The following ZFAT variants were observed in gnomAD, a reference collection of about 807,000 sequenced individuals.
ZFAT encodes zinc finger and AT-hook domain containing.
ZFAT carries 64 observed loss-of-function variants against 117.7 expected under a neutral mutation model. That is an observed-to-expected ratio of 0.54 (90% CI 0.44 to 0.67). The LOEUF (loss-of-function observed/expected upper bound fraction) is 0.67. Among genes scored for constraint, ZFAT ranks in the 30% least tolerant of loss-of-function variants. The pLI is 0.00. For missense variants in ZFAT, 1,433 were observed against 1,584.5 expected (o/e 0.90, Z 1.62); for synonymous variants, 679 against 615.0 (o/e 1.10, Z -1.54).
intron 1 of ZFAT, among the ~76,000 whole-genome samples, chr8:134,687,037 C>G (rs1363346797): frequency 6.6e-6 from 1 of 152,142 alleles, no homozygotes; most frequent in East Asian, 1.9e-4. Flanking sequence ...GCAGACCCAC[C>G]AGCACCCACC....
At chr8:134,603,729 G>A (rs942011049) in intron 5 of ZFAT, among the ~76,000 whole-genome samples, 24 of 152,210 alleles carry the variant, frequency 1.6e-4, no homozygotes, top group Admixed American at 7.2e-4. Context: ...GGGATACAGC[G>A]GGCACTTAGC....
chr8:134,706,979 C>T (rs1157855918), intron 1 of ZFAT, among the ~76,000 whole-genome samples: 1 of 152,056 alleles, frequency 6.6e-6, no homozygotes, highest in East Asian at 1.9e-4. Context: ...ATCTTCCTGT[C>T]CCTCAACATT....
the ZFAT span, among the ~76,000 whole-genome samples, chr8:134,772,686 T>C: frequency 3.9e-4 from 59 of 152,290 alleles, no homozygotes; most frequent in African/African-American, 1.3e-3. Flanking sequence ...GGTGGCTACA[T>C]TAAACAACAA....
At chr8:134,561,895 T>C (rs1399867423) in intron 11 of ZFAT, among the ~76,000 whole-genome samples, 3 of 152,194 alleles carry the variant, frequency 2.0e-5, no homozygotes, top group African/African-American at 7.2e-5. Flanking sequence ...GGGGGTATGG[T>C]TGGCAGAATA....
chr8:134,499,737 C>T (rs554326698), intron 15 of ZFAT, among the ~76,000 whole-genome samples: 8 of 152,212 alleles, frequency 5.3e-5, no homozygotes, highest in Non-Finnish European at 1.2e-4. Flanking sequence ...CACTGCTGGC[C>T]GGGGGACTAC....
At chr8:134,485,635 C>A (rs1230783406) in intron 15 of ZFAT, among the ~76,000 whole-genome samples, 1 of 152,196 alleles carries the variant, frequency 6.6e-6, no homozygotes, top group African/African-American at 2.4e-5. Context: ...ACCTGGCCCA[C>A]AGCCTCTGAA....
At chr8:134,535,173 G>A (rs1234002574) in intron 11 of ZFAT, among the ~76,000 whole-genome samples, 3 of 152,106 alleles carry the variant, frequency 2.0e-5, no homozygotes, top group African/African-American at 7.2e-5. Flanking sequence ...GCTGGTCTTG[G>A]GCTGGATTTG....
chr8:134,730,087 C>T, the ZFAT span, among the ~76,000 whole-genome samples: 14 of 152,134 alleles, frequency 9.2e-5, 1 homozygote, highest in Admixed American at 7.9e-4. Context: ...GGTTGTTACG[C>T]GCTGCTCCCA....
intron 1 of ZFAT, among the ~76,000 whole-genome samples, chr8:134,708,331 C>T (rs954249636): frequency 1.6e-4 from 24 of 152,022 alleles, no homozygotes; most frequent in Non-Finnish European, 3.1e-4. Flanking sequence ...TAAATGTTTA[C>T]TTACCACAAA....
At chr8:134,773,927 A>C in the ZFAT span, among the ~76,000 whole-genome samples, 1 of 151,956 alleles carries the variant, frequency 6.6e-6, no homozygotes, top group Non-Finnish European at 1.5e-5. Flanking sequence ...TGACAGCAAA[A>C]GATTTATAAT....
chr8:134,659,406 T>C (rs534530288), intron 1 of ZFAT, among the ~76,000 whole-genome samples: 2 of 152,296 alleles, frequency 1.3e-5, no homozygotes, highest in East Asian at 3.9e-4. Context: ...TCTCTGATAT[T>C]GTCTGGAATT....
chr8:134,811,785 C>T, the ZFAT span, among the ~76,000 whole-genome samples: 42 of 152,328 alleles, frequency 2.8e-4, 1 homozygote, highest in Admixed American at 2.0e-3. Context: ...TCTGACAGAA[C>T]TAGGCCAAAC....
chr8:134,802,772 C>T, the ZFAT span, among the ~76,000 whole-genome samples: 1 of 152,156 alleles, frequency 6.6e-6, no homozygotes, highest in Admixed American at 6.5e-5. Flanking sequence ...TCAATGAATA[C>T]CACAATTTTT....
At chr8:134,770,211 A>G in the ZFAT span, among the ~76,000 whole-genome samples, 1 of 152,204 alleles carries the variant, frequency 6.6e-6, no homozygotes, top group Non-Finnish European at 1.5e-5. Context: ...TCGCATTGTC[A>G]GGCTGCAAAT....
chr8:134,739,967 C>T, the ZFAT span, among the ~76,000 whole-genome samples: 1 of 152,238 alleles, frequency 6.6e-6, no homozygotes, highest in Non-Finnish European at 1.5e-5. Flanking sequence ...CTTCCTCATG[C>T]CTTGGGGGAG....
chr8:134,679,621 TAAAG>T (rs1369975976), intron 1 of ZFAT, among the ~76,000 whole-genome samples: 1 of 152,196 alleles, frequency 6.6e-6, no homozygotes, highest in Non-Finnish European at 1.5e-5. Context: ...CATTCTACTA[TAAAG>T]ACACATTCAC....
intron 3 of ZFAT, among the ~76,000 whole-genome samples, chr8:134,626,080 G>A (rs1241356202): frequency 2.0e-5 from 3 of 152,214 alleles, no homozygotes; most frequent in African/African-American, 7.2e-5. Flanking sequence ...CTGCTGGGGT[G>A]GGATTCTGCC....
intron 1 of ZFAT, among the ~76,000 whole-genome samples, chr8:134,658,144 T>C (rs1008518549): frequency 6.6e-6 from 1 of 152,196 alleles, no homozygotes; most frequent in South Asian, 2.1e-4. Context: ...GAGACCATCC[T>C]GGCTAACATG....
At chr8:134,728,858 C>T in the ZFAT span, among the ~76,000 whole-genome samples, 1 of 152,064 alleles carries the variant, frequency 6.6e-6, no homozygotes, top group Non-Finnish European at 1.5e-5. Context: ...ATATCTCTCT[C>T]CTCTTATAGT....
Sources: gnomAD v4.1 joint callset for allele counts (sites outside exome capture counted in the v4.1 genomes callset) on GRCh38, gnomAD v4.1.1 for gene constraint, MANE v1.5 for transcripts, NCBI Gene and HGNC (gene_info 2026-07-23, HGNC 2026-07-21) for gene names.